Variants in DENND2B observed in about 807,000 individuals in gnomAD.
DENND2B encodes the protein DENN domain containing 2B.
Under a neutral mutation model 116.0 loss-of-function variants are expected in DENND2B, and 32 were observed. That is an observed-to-expected ratio of 0.28 (90% confidence interval 0.21 to 0.37). DENND2B has a LOEUF of 0.37. DENND2B is among the 10% of genes least tolerant of loss of function. The pLI, the probability that DENND2B is intolerant of heterozygous loss-of-function variation, is 1.00. For synonymous variants in DENND2B, 588 were observed against 583.9 expected (o/e 1.01, Z -0.10); for missense variants, 1,276 against 1,477.7 (o/e 0.86, Z 2.24).
chr11:8,729,225 C>A (rs2047657711), intron 3 of DENND2B, among the ~76,000 whole-genome samples: 1 of 152,180 alleles, frequency 6.6e-6, no homozygotes, highest in Non-Finnish European at 1.5e-5. Flanking sequence ...CACTCCCAGC[C>A]TACCCTGATT....
At chr11:8,872,494 A>AG (rs1353432977), upstream of DENND2B, among the ~76,000 whole-genome samples, 1 of 151,362 alleles carries the variant, frequency 6.6e-6, no homozygotes, top group African/African-American at 2.4e-5. Context: ...CTAAAAAAAA[A>AG]AAAAAAAAGA....
At chr11:8,726,542 G>A (rs1373406983) in intron 3 of DENND2B, among the ~76,000 whole-genome samples, 1 of 152,182 alleles carries the variant, frequency 6.6e-6, no homozygotes, top group Non-Finnish European at 1.5e-5. Flanking sequence ...ACCAGTATTG[G>A]GACATCTTGT....
upstream of DENND2B, among the ~76,000 whole-genome samples, chr11:8,811,900 CT>C (rs1296836048): frequency 1.3e-5 from 2 of 151,814 alleles, no homozygotes; most frequent in Non-Finnish European, 2.9e-5. Context: ...CGCCTGGCTA[CT>C]TTTTTAATTT....
chr11:8,821,104 A>T (rs187355184), intron 4 of DENND2B, among the ~76,000 whole-genome samples: 1 of 150,418 alleles, frequency 6.6e-6, no homozygotes, highest in Non-Finnish European at 1.5e-5. Flanking sequence ...TGGGCAACAG[A>T]GCGAGACTCT....
chr11:8,864,766 C>T (rs2063520960), intron 2 of DENND2B, among the ~76,000 whole-genome samples: 1 of 152,174 alleles, frequency 6.6e-6, no homozygotes. Context: ...GAGCACTTCC[C>T]AGAGACCAGT....
At chr11:8,904,403 T>C (rs2064209285) in intron 1 of DENND2B, among the ~76,000 whole-genome samples, 4 of 152,178 alleles carry the variant, frequency 2.6e-5, no homozygotes, top group Admixed American at 2.6e-4. Flanking sequence ...TAATTAAAAA[T>C]AATTTTTAAA....
At position 8,900,859 on chromosome 11, in the gene DENND2B, C is replaced by T. The variant is rs956970420; in HGVS notation, c.-256+9962G>A. Among the ~76,000 whole-genome samples the T allele has an allele frequency of 5.9e-5, 9 of 152,056 alleles. No individual in the cohort carries two copies. The East Asian group carries it at 1.7e-3, about 29-fold the overall frequency. On this transcript the variant is annotated intron_variant, in intron 1 of 22. Coordinates refer to the DENND2B transcript ENST00000534127. Reference sequence around the variant, plus strand: ...TGGTGGGCACCTGTAACCCCAGCTACTTGAGCAGCTGAGGCAGGAGAATCA... The same window carrying T: ...TGGTGGGCACCTGTAACCCCAGCTATTTGAGCAGCTGAGGCAGGAGAATCA...
intron 4 of DENND2B, among the ~76,000 whole-genome samples, chr11:8,837,626 G>A (rs146145313): frequency 1.2e-4 from 19 of 152,280 alleles, no homozygotes; most frequent in Admixed American, 5.2e-4. Flanking sequence ...GATTACAGGC[G>A]TGAGTCACCA....
intron 1 of DENND2B, among the ~76,000 whole-genome samples, chr11:8,895,351 C>A (rs751270635): frequency 6.6e-6 from 1 of 152,090 alleles, no homozygotes; most frequent in Non-Finnish European, 1.5e-5. Flanking sequence ...ACATATGTAA[C>A]AAACCTGCAC....
At chr11:8,863,110 G>C (rs902678691) in intron 2 of DENND2B, among the ~76,000 whole-genome samples, 4 of 151,874 alleles carry the variant, frequency 2.6e-5, no homozygotes, top group African/African-American at 4.8e-5. Context: ...GAGCCTGGGA[G>C]TTCGAGACCT....
Position 8,702,660 on chromosome 11 carries a change from A to T in DENND2B, c.2632T>A (p.Phe878Ile). 6.2e-7 allele frequency: 1 copy of T among 1,614,022 alleles called. No individual in the cohort carries two copies. The highest frequency in any genetic ancestry group is 1.1e-5 in the South Asian group (1 of 91,088). ...RLEHVDFECL[F>I]TCLSVRQLIR... ...AGCTGGCGCACACTGAGGCAGGTAA[A>T]AAGGCACTCAAAGTCCACGTGCTCC... Residue 878 changes from phenylalanine to isoleucine, a missense_variant, in exon 14 of 20, where the codon TTT becomes ATT. Physicochemically the swap from Phe to Ile is conservative, Grantham distance 21 (BLOSUM62 0). This residue lies in a region of DENND2B where 420 missense variants were observed against 631.1 expected (regional missense o/e 0.67). Coordinates refer to ENST00000313726, the MANE Select transcript of DENND2B (RefSeq NM_213618.2). This position sits in a 1 kb window ranked among gnomAD's most constrained non-coding sequence, Gnocchi z 4.6.
chr11:8,710,793 AC>A (rs1555112761), intron 11 of DENND2B, 51 bp downstream of exon 11: 3 of 1,323,014 alleles, frequency 2.3e-6, no homozygotes, highest in Admixed American at 3.5e-5. Flanking sequence ...ACACACACAC[AC>A]CCTGGCCTAT....
chr11:8,856,475 T>C (rs2063196280), intron 3 of DENND2B, among the ~76,000 whole-genome samples: 1 of 152,218 alleles, frequency 6.6e-6, no homozygotes, highest in Non-Finnish European at 1.5e-5. Flanking sequence ...CAGCTCTGGT[T>C]GAAAACATAT....
At chr11:8,777,501 T>G (rs1236028505) in intron 1 of DENND2B, among the ~76,000 whole-genome samples, 1 of 152,198 alleles carries the variant, frequency 6.6e-6, no homozygotes, top group African/African-American at 2.4e-5. Context: ...GTACCTCCTG[T>G]TGGACATTCC....
intron 3 of DENND2B, among the ~76,000 whole-genome samples, chr11:8,844,707 T>A (rs1397431294): frequency 6.0e-5 from 5 of 83,136 alleles, no homozygotes; most frequent in African/African-American, 1.6e-4. Flanking sequence ...AATTCTGCTA[T>A]GATTATAACC....
chr11:8,845,400 T>C (rs1435096780), intron 3 of DENND2B: 2 of 152,170 alleles, frequency 1.3e-5, no homozygotes, highest in African/African-American at 4.8e-5. Context: ...GAATCACAAG[T>C]CAAAATCATG....
chr11:8,899,982 T>C (rs1368309106), intron 1 of DENND2B, among the ~76,000 whole-genome samples: 1 of 152,066 alleles, frequency 6.6e-6, no homozygotes, highest in Non-Finnish European at 1.5e-5. Context: ...TTCACCTAAA[T>C]TAAGTTTATA....
At position 8,816,168 on chromosome 11, in the gene DENND2B, T is replaced by C. The variant is rs184655724; in HGVS notation, c.-114-4833A>G. 2.7e-3 allele frequency among the ~76,000 whole-genome samples: 414 copies of C among 152,316 alleles called. 6 individuals carry two copies. Among genetic ancestry groups the C allele is most frequent in the African/African-American group, 9.6e-3 (399 of 41,572 alleles). On this transcript the variant is annotated intron_variant, in intron 4 of 6. Coordinates refer to the DENND2B transcript ENST00000524757. ...TAAGAAATGGCAGTCTAATTTCAAA[T>C]GCCTCTGGGAAGCCTAGTTTCTAAT...
intron 1 of DENND2B, among the ~76,000 whole-genome samples, chr11:8,882,762 T>C (rs959474773): frequency 2.0e-5 from 3 of 151,894 alleles, no homozygotes; most frequent in African/African-American, 7.3e-5. Flanking sequence ...CCAAGGTGAG[T>C]GGACTGCTTG....
Sources: gnomAD v4.1 joint callset for allele counts (sites outside exome capture counted in the v4.1 genomes callset) on GRCh38, gnomAD v4.1.1 for gene constraint, gnomAD v4.1.1 regional missense constraint, Gnocchi (gnomAD v3.1) non-coding constraint, MANE v1.5 for transcripts, NCBI Gene and HGNC (gene_info 2026-07-23, HGNC 2026-07-21) for gene names.